The following DUSP19 variants were observed in gnomAD, a reference collection of about 807,000 sequenced individuals.
The protein encoded by DUSP19 is dual specificity phosphatase 19.
Under a neutral mutation model 16.6 loss-of-function variants are expected in DUSP19, and 14 were observed. The ratio of observed to expected loss-of-function variants is 0.84; its 90% confidence interval spans 0.56 to 1.32. DUSP19 has a LOEUF of 1.32. Ranked by LOEUF, DUSP19 falls within the 40% of genes most tolerant of loss-of-function variation. DUSP19 has a pLI of 0.00. For synonymous variants in DUSP19, 81 were observed against 90.5 expected, an observed-to-expected ratio of 0.90 and a Z score of 0.59; for missense variants, 258 against 255.9, an observed-to-expected ratio of 1.01 and a Z score of -0.06.
In DUSP19 at chr2:183,095,557, C is replaced by A; in HGVS notation, c.553C>A (p.Pro185Thr). ...SAFSLVKNAR[P>T]SICPNSGFME... is the part of the protein sequence containing the mutation. ...TTTTTCTTTGGTGAAAAATGCAAGA[C>A]CTTCCATATGTCCAAATTCTGGCTT... is the stretch of plus-strand genomic sequence containing the variant. Residue 185 changes from proline (P) to threonine (T), a missense_variant, in exon 4 of 4, where the codon CCT (proline) becomes ACT (threonine). By Grantham distance (38) the Pro-to-Thr change is conservative. Coordinates refer to ENST00000354221, the MANE Select transcript of DUSP19 (RefSeq NM_080876.4). 2 of 1,613,874 alleles carry A rather than the reference C, an allele frequency of 1.2e-6. No individual in the cohort carries two copies. The highest frequency in any genetic ancestry group is 1.7e-6 in the Non-Finnish European group (2 of 1,179,904).
chr2:183,090,806 GC>G (rs1699722559), intron 3 of DUSP19, among the ~76,000 whole-genome samples: 1 of 152,160 alleles, frequency 6.6e-6, no homozygotes, highest in African/African-American at 2.4e-5. Flanking sequence ...GGAGGGGGCA[GC>G]AAAAAATAGA....
intron 2 of DUSP19, among the ~76,000 whole-genome samples, chr2:183,084,172 T>C (rs1011895080): frequency 2.6e-5 from 4 of 152,048 alleles, no homozygotes; most frequent in African/African-American, 9.7e-5. Context: ...TAGAAGTGCA[T>C]AGGAGATGAT....
At chr2:183,085,939 C>T (rs1699656590) in intron 2 of DUSP19, among the ~76,000 whole-genome samples, 1 of 129,812 alleles carries the variant, frequency 7.7e-6, no homozygotes, top group African/African-American at 2.9e-5. Flanking sequence ...GATCGTGGCT[C>T]ACTGCAACCT....
intron 3 of DUSP19, among the ~76,000 whole-genome samples, chr2:183,087,534 G>A (rs528889246): frequency 2.0e-5 from 3 of 152,280 alleles, no homozygotes; most frequent in African/African-American, 7.2e-5. Context: ...GACTAAATGT[G>A]TATTGCTTTA....
rs757139909 is a variant in DUSP19 at position 183,087,165 on chromosome 2, T to G, written c.399T>G (p.Phe133Leu). The G allele has an allele frequency of 6.2e-7, 1 of 1,613,010 alleles. No homozygotes were observed. Among genetic ancestry groups the G allele is most frequent in the East Asian group, 2.2e-5 (1 of 44,764 alleles). Residue 133 changes from phenylalanine to leucine, a missense_variant, in exon 3 of 4, where the codon TTT becomes TTG. Transcript: ENST00000354221. Reference protein sequence around the residue: ...TNILSYFPECFEFIEEAKRKD... With the variant: ...TNILSYFPECLEFIEEAKRKD... ...TCCTGTCTTATTTTCCAGAATGTTT[T>G]GAATTTATTGAAGAAGCAAAAAGAA...
chr2:183,078,914 T>C lies in DUSP19; in HGVS notation c.-20T>C, dbSNP rs1575090551. On this transcript the variant is annotated 5_prime_UTR_variant, in exon 1 of 4. Transcript: ENST00000354221. Reference sequence around the variant, plus strand: ...GCCTGCTGGATTTGTTTGTATTTGTTCCCAGCCACTGCTCATGTAATGTAC... The same window carrying C: ...GCCTGCTGGATTTGTTTGTATTTGTCCCCAGCCACTGCTCATGTAATGTAC... The C allele has an allele frequency of 6.2e-7, 1 of 1,609,852 alleles. No homozygotes were observed. Among genetic ancestry groups the C allele is most frequent in the Non-Finnish European group, 8.5e-7 (1 of 1,176,948 alleles).
intron 1 of DUSP19, among the ~76,000 whole-genome samples, chr2:183,083,160 T>C (rs1028156721): frequency 6.6e-6 from 1 of 152,210 alleles, no homozygotes; most frequent in African/African-American, 2.4e-5. Context: ...CTGTATGTAT[T>C]TCACTACACA....
chr2:183,086,904 G>A, intron 2 of DUSP19, 136 bp from the exon 3 acceptor site: 1 of 723,576 alleles, frequency 1.4e-6, no homozygotes, highest in Non-Finnish European at 2.2e-6. Context: ...GTGTGGGATT[G>A]AAGCAGTATT....
At chr2:183,092,598 C>G (rs1559130416) in intron 3 of DUSP19, among the ~76,000 whole-genome samples, 1 of 151,860 alleles carries the variant, frequency 6.6e-6, no homozygotes, top group Non-Finnish European at 1.5e-5. Flanking sequence ...GCATAGTATT[C>G]CATGGGGTAT....
intron 3 of DUSP19, among the ~76,000 whole-genome samples, chr2:183,087,960 C>G (rs1699683317): frequency 6.6e-6 from 1 of 152,116 alleles, no homozygotes; most frequent in African/African-American, 2.4e-5. Context: ...CAGCACTGTT[C>G]TACGTGCCTT....
rs932762507 is a variant in DUSP19 at position 183,099,184 on chromosome 2, A to C, written c.*3526A>C. The C allele has an allele frequency of 1.3e-5, 2 of 152,220 alleles. No individual in the cohort carries two copies. The highest frequency in any genetic ancestry group is 1.9e-4 in the East Asian group (1 of 5,208). 9.4% of individuals were successfully genotyped at this position (152,220 alleles called of 1,614,324 possible). Reference sequence around the variant, plus strand: ...CCCTTCAAGTGTTGTTTCTCCAAGTAGTCATAAATGTAGCAAGTATAAATC... The same window carrying C: ...CCCTTCAAGTGTTGTTTCTCCAAGTCGTCATAAATGTAGCAAGTATAAATC... On this transcript the variant is annotated 3_prime_UTR_variant, in exon 4 of 4. Coordinates refer to ENST00000354221, the MANE Select transcript of DUSP19 (RefSeq NM_080876.4).
At chr2:183,079,383 C>G (rs551228994) in intron 1 of DUSP19, among the ~76,000 whole-genome samples, 13 of 152,170 alleles carry the variant, frequency 8.5e-5, no homozygotes, top group Admixed American at 5.2e-4. Flanking sequence ...CTTGGCACTG[C>G]ATATTTGAAT....
rs368512214 is a variant in DUSP19, at chr2:183,083,494, T to C, written c.227-14T>C. On this transcript the variant is annotated splice_polypyrimidine_tract_variant and intron_variant, in intron 1 of 3. Coordinates refer to ENST00000354221, the MANE Select transcript of DUSP19 (RefSeq NM_080876.4). ...TATATTTGTGTTCAAGGTGGTATCATTTATTTCTTCTAGGGTCACAAGATG... is the reference window on the plus strand; with the variant it reads ...TATATTTGTGTTCAAGGTGGTATCACTTATTTCTTCTAGGGTCACAAGATG... 3.1e-6 allele frequency: 5 copies of C among 1,601,398 alleles called. No individual in the cohort carries two copies. Among genetic ancestry groups the C allele is most frequent in the Non-Finnish European group, 4.3e-6 (5 of 1,174,150 alleles).
intron 2 of DUSP19, among the ~76,000 whole-genome samples, chr2:183,085,847 GTTTTTTTTTTTTTTTTTTTTTT>G (rs71008261): frequency 2.0e-5 from 1 of 50,878 alleles, no homozygotes; most frequent in Admixed American, 3.7e-4. Flanking sequence ...AGGTTGTTAG[GTTTTTTTTTTTTTTTTTTTTTT>G]TTTTTTTTTT....
At chr2:183,080,748 G>A (rs1045528813) in intron 1 of DUSP19, among the ~76,000 whole-genome samples, 2 of 152,216 alleles carry the variant, frequency 1.3e-5, no homozygotes, top group African/African-American at 2.4e-5. Context: ...TAGTGGGAGA[G>A]TCCTGGGAGG....
At chr2:183,085,853 T>TTG (rs1699653577) in intron 2 of DUSP19, among the ~76,000 whole-genome samples, 1 of 54,688 alleles carries the variant, frequency 1.8e-5, no homozygotes, top group East Asian at 3.6e-4. Context: ...TTAGGTTTTT[T>TTG]TTTTTTTTTT....
At chr2:183,090,631 A>G (rs1222700708) in intron 3 of DUSP19, among the ~76,000 whole-genome samples, 1 of 152,228 alleles carries the variant, frequency 6.6e-6, no homozygotes, top group Non-Finnish European at 1.5e-5. Flanking sequence ...GCATTTTGAT[A>G]TATTTTTCTA....
intron 3 of DUSP19, among the ~76,000 whole-genome samples, chr2:183,094,076 T>C (rs1328968088): frequency 1.3e-5 from 2 of 152,168 alleles, no homozygotes; most frequent in African/African-American, 4.8e-5. Context: ...GTCATAAATA[T>C]CTATAGAAAA....
In DUSP19 at chr2:183,087,048, T is replaced by C; in HGVS notation, c.282T>C (p.His94=). 6.2e-7 allele frequency: 1 copy of C among 1,610,276 alleles called. No homozygotes were observed. The highest frequency in any genetic ancestry group is 1.7e-5 in the Admixed American group (1 of 59,616). ...LDTLKKNKVT[H]ILNVAYGVEN... is the part of the protein sequence containing the mutation. ...TTTTCTTTCTCTTTAAGGTGACTCA[T>C]ATTCTTAATGTTGCATATGGAGTTG... Residue 94 remains histidine, a synonymous_variant, in exon 3 of 4, where the codon CAT becomes CAC. Coordinates refer to ENST00000354221, the MANE Select transcript of DUSP19 (RefSeq NM_080876.4).
Sources: gnomAD v4.1 joint callset for allele counts (sites outside exome capture counted in the v4.1 genomes callset) on GRCh38, gnomAD v4.1.1 for gene constraint, MANE v1.5 for transcripts, NCBI Gene and HGNC (gene_info 2026-07-23, HGNC 2026-07-21) for gene names.